PDZD2: variants seen among roughly 807,000 people sequenced by gnomAD.
PDZD2 encodes the protein PDZ domain containing 2.
Under a neutral mutation model 220.7 loss-of-function variants are expected in PDZD2, and 90 were observed. That is an observed-to-expected ratio of 0.41 (90% CI 0.34 to 0.49). The LOEUF is 0.49. Ranked by LOEUF, PDZD2 falls within the 20% of genes least tolerant of loss-of-function variation. The pLI is 0.28. For missense variants in PDZD2, 3,174 were observed against 3,608.5 expected, an observed-to-expected ratio of 0.88 and a Z score of 3.08; for synonymous variants, 1,375 against 1,450.5, an observed-to-expected ratio of 0.95 and a Z score of 1.18.
At chr5:32,100,559 T>A in intron 23 of PDZD2, 1 of 332,150 alleles carries the variant, frequency 3.0e-6, no homozygotes, top group Non-Finnish European at 5.9e-6. Flanking sequence ...GGGTTTCCCT[T>A]TGCAGGAGCA....
chr5:31,698,356 G>A (rs1580582782), intron 1 of PDZD2, among the ~76,000 whole-genome samples: 1 of 150,522 alleles, frequency 6.6e-6, no homozygotes, highest in East Asian at 2.0e-4. Context: ...AGCACTTTGG[G>A]AGGCCGAGGT....
chr5:31,643,827 A>T (rs909435327), intron 1 of PDZD2, among the ~76,000 whole-genome samples: 2 of 146,116 alleles, frequency 1.4e-5, no homozygotes, highest in African/African-American at 2.5e-5. Context: ...AATGTGAATA[A>T]TTTTTTTTTT....
At chr5:31,753,439 C>T (rs1751126745) in intron 1 of PDZD2, among the ~76,000 whole-genome samples, 1 of 152,076 alleles carries the variant, frequency 6.6e-6, no homozygotes, top group Non-Finnish European at 1.5e-5. Context: ...CCTATCTCTA[C>T]AAATACAAAA....
intron 2 of PDZD2, among the ~76,000 whole-genome samples, chr5:31,933,861 G>A (rs369828652): frequency 5.2e-4 from 79 of 152,300 alleles, no homozygotes; most frequent in East Asian, 3.5e-3. Flanking sequence ...AGGTGGACAC[G>A]AAGAAGGCAG....
chr5:31,936,881 C>G (rs1745784893), intron 2 of PDZD2, among the ~76,000 whole-genome samples: 1 of 152,188 alleles, frequency 6.6e-6, no homozygotes, highest in African/African-American at 2.4e-5. Flanking sequence ...TTAAGGCAGG[C>G]TGCCTCTGCT....
intron 2 of PDZD2, among the ~76,000 whole-genome samples, chr5:31,806,671 T>A (rs914608184): frequency 1.3e-5 from 2 of 152,216 alleles, no homozygotes; most frequent in Non-Finnish European, 2.9e-5. Flanking sequence ...TCTACTTACT[T>A]GTTTGGTGCA....
intron 2 of PDZD2, among the ~76,000 whole-genome samples, chr5:31,869,408 C>T (rs1266143844): frequency 3.3e-5 from 5 of 152,018 alleles, no homozygotes; most frequent in Admixed American, 6.6e-5. Flanking sequence ...TGGCTGCATA[C>T]AAAAATTAGC....
intron 3 of PDZD2, among the ~76,000 whole-genome samples, chr5:31,989,294 C>T (rs1750987587): frequency 6.6e-6 from 1 of 152,056 alleles, no homozygotes; most frequent in Non-Finnish European, 1.5e-5. Flanking sequence ...GAGTATTTGA[C>T]TTTGTGTCCT....
chr5:31,963,636 G>A (rs1443250908), intron 2 of PDZD2, among the ~76,000 whole-genome samples: 1 of 152,204 alleles, frequency 6.6e-6, no homozygotes, highest in Non-Finnish European at 1.5e-5. Context: ...CAGGACCTCT[G>A]GGATCATCCT....
Position 31,979,472 on chromosome 5 carries a change from C to T in PDZD2, c.477-3683C>T, listed in dbSNP as rs147314244. 3.1e-3 allele frequency among the ~76,000 whole-genome samples: 467 copies of T among 151,438 alleles called. 3 individuals are homozygous for T. The highest frequency in any genetic ancestry group is 0.011 in the African/African-American group (437 of 41,228). On this transcript the variant is annotated intron_variant, in intron 2 of 24. Coordinates refer to ENST00000438447, the MANE Select transcript of PDZD2 (RefSeq NM_178140.4). ...GTGGGCACCTGTAATTCTAGCTACT[C>T]GGGAGGGTGAGGCAGGAGAACCCCT... is the stretch of plus-strand genomic sequence containing the variant.
chr5:31,791,461 A>G (rs761307406), intron 1 of PDZD2, among the ~76,000 whole-genome samples: 12 of 151,988 alleles, frequency 7.9e-5, no homozygotes, highest in Non-Finnish European at 1.5e-4. Context: ...GTGGTGGCGC[A>G]TGCCTGTAAT....
chr5:31,802,919 C>CAAAAA (rs34901917), intron 2 of PDZD2, among the ~76,000 whole-genome samples: 4 of 56,178 alleles, frequency 7.1e-5, no homozygotes, highest in East Asian at 5.2e-4. Flanking sequence ...GACTCTGTCT[C>CAAAAA]AAAAAAAAAA....
At chr5:31,730,470 T>G (rs534266286) in intron 1 of PDZD2, among the ~76,000 whole-genome samples, 1 of 151,714 alleles carries the variant, frequency 6.6e-6, no homozygotes, top group East Asian at 1.9e-4. Flanking sequence ...CAGGAGAGGG[T>G]CGGCCCTCCA....
intron 2 of PDZD2, among the ~76,000 whole-genome samples, chr5:31,881,938 C>T (rs554718068): frequency 3.3e-5 from 5 of 152,170 alleles, no homozygotes; most frequent in African/African-American, 7.2e-5. Flanking sequence ...AGGCTGGTCT[C>T]GAACTCCTGA....
At chr5:31,666,263 G>A (rs1165142071) in intron 1 of PDZD2, among the ~76,000 whole-genome samples, 6 of 152,156 alleles carry the variant, frequency 3.9e-5, no homozygotes, top group African/African-American at 1.4e-4. Flanking sequence ...AGGGAAAGTA[G>A]ACTCCTCTAG....
At chr5:31,865,227 A>G (rs1206704810) in intron 2 of PDZD2, among the ~76,000 whole-genome samples, 1 of 152,134 alleles carries the variant, frequency 6.6e-6, no homozygotes, top group Non-Finnish European at 1.5e-5. Context: ...AAAATGATTC[A>G]GCCTTCTCCC....
intron 2 of PDZD2, among the ~76,000 whole-genome samples, chr5:31,858,384 A>AT (rs1390182786): frequency 1.3e-5 from 2 of 152,222 alleles, no homozygotes; most frequent in Non-Finnish European, 2.9e-5. Flanking sequence ...CTTTGCAAAA[A>AT]TTAGTACAGC....
intron 2 of PDZD2, among the ~76,000 whole-genome samples, chr5:31,815,717 TAGTC>T (rs1009603415): frequency 7.2e-4 from 110 of 152,360 alleles, no homozygotes; most frequent in African/African-American, 2.6e-3. Context: ...AGGGTTCACT[TAGTC>T]AGTTGGAGGG....
Position 32,110,906 on chromosome 5 carries a change from A to AAAAT in PDZD2, c.*2775_*2778dup, listed in dbSNP as rs984011947. On this transcript the variant is annotated 3_prime_UTR_variant, in exon 25 of 25. Coordinates refer to ENST00000438447, the MANE Select transcript of PDZD2 (RefSeq NM_178140.4). ...CAACCTTTTTTAAGTAATTTTAAAAAAAATAAACACTCTGCTTACTACTTG... is the reference window on the plus strand; with the variant it reads ...CAACCTTTTTTAAGTAATTTTAAAAAAAATAAATAAACACTCTGCTTACTACTTG... 6 of 152,366 alleles carry AAAAT rather than the reference A, an allele frequency of 3.9e-5. No individual in the cohort carries two copies. Among genetic ancestry groups the AAAAT allele is most frequent in the East Asian group, 1.9e-4 (1 of 5,196 alleles). 9.4% of individuals were successfully genotyped at this position (152,366 alleles called of 1,614,324 possible). A position where few individuals can be genotyped will look rare whatever the true frequency, so the allele number is the denominator to read the frequency against.
Sources: gnomAD v4.1 joint callset for allele counts (sites outside exome capture counted in the v4.1 genomes callset) on GRCh38, gnomAD v4.1.1 for gene constraint, MANE v1.5 for transcripts, NCBI Gene and HGNC (gene_info 2026-07-23, HGNC 2026-07-21) for gene names.